CDCA2: variants seen among roughly 807,000 people sequenced by gnomAD.
CDCA2 encodes the protein cell division cycle-associated protein 2.
In CDCA2, 44 loss-of-function variants were observed where a neutral mutation model predicts 67.0. The observed-to-expected ratio is 0.66, with a 90% confidence interval of 0.52 to 0.84. The LOEUF (loss-of-function observed/expected upper bound fraction) is 0.84, where lower values mean the gene tolerates loss of function less well. CDCA2 is among the 40% of genes least tolerant of loss of function. The pLI, the probability that CDCA2 is intolerant of heterozygous loss-of-function variation, is 0.00. For missense variants in CDCA2, 1,253 were observed against 1,203.2 expected (o/e 1.04, Z -0.61); for synonymous variants, 447 against 418.7 (o/e 1.07, Z -0.82).
At chr8:25,461,899 T>G (rs1802704220) in intron 3 of CDCA2, among the ~76,000 whole-genome samples, 155 bp from the exon 4 acceptor site, 1 of 152,240 alleles carries the variant, frequency 6.6e-6, no homozygotes, top group African/African-American at 2.4e-5. Flanking sequence ...TTCCACTGAT[T>G]GTATATGAAT....
At chr8:25,464,438 C>T (rs1802820511) in intron 4 of CDCA2, among the ~76,000 whole-genome samples, 1 of 152,084 alleles carries the variant, frequency 6.6e-6, no homozygotes, top group Admixed American at 6.5e-5. Flanking sequence ...AGTAATTTTC[C>T]CTAGATCCTG....
Position 25,484,344 on chromosome 8 carries a change from T to G in CDCA2, c.1365+134T>G. On this transcript the variant is annotated intron_variant, in intron 10 of 14. Coordinates refer to ENST00000330560, the MANE Select transcript of CDCA2 (RefSeq NM_152562.4). ...TATGCCATGGTTTAAATTAATCTAT[T>G]TTGTATGTAGGTTTTTATGAGTTTT... 4.0e-6 allele frequency: 5 copies of G among 1,250,770 alleles called. No homozygotes were observed. The South Asian group carries it at 7.5e-5, about 19-fold the overall frequency. The allele number at this position is 1,250,770 out of a possible 1,614,324, so 77.5% of individuals were successfully genotyped here. A position where few individuals can be genotyped will look rare whatever the true frequency, so the allele number is the denominator to read the frequency against.
At chr8:25,488,965 G>T (rs1489838294) in intron 13 of CDCA2, among the ~76,000 whole-genome samples, 1 of 152,028 alleles carries the variant, frequency 6.6e-6, no homozygotes, top group Non-Finnish European at 1.5e-5. Context: ...TCTCATCTTT[G>T]AATCTACCCC....
chr8:25,500,148 CCATT>C (rs202038975), intron 13 of CDCA2, among the ~76,000 whole-genome samples: 1 of 151,958 alleles, frequency 6.6e-6, no homozygotes, highest in Non-Finnish European at 1.5e-5. Flanking sequence ...ACTTCTTTGA[CCATT>C]CATTCATTCA....
Position 25,480,005 on chromosome 8 carries a change from C to T in CDCA2, c.913C>T (p.Pro305Ser). The T allele has an allele frequency of 1.2e-6, 2 of 1,614,090 alleles. No homozygotes were observed. The highest frequency in any genetic ancestry group is 1.7e-6 in the Non-Finnish European group (2 of 1,180,018). The part of the protein sequence containing the change: ...FTAEVSSDAV[P>S]DVRSPATPAC... ...AGCAGAAGTGAGCTCAGACGCAGTC[C>T]CTGATGTCAGGTCACCAGCTACTCC... The change falls in exon 8 of 15, where the codon CCT (proline) becomes TCT (serine). Residue 305 changes from proline (P) to serine (S), a missense_variant. Pro to Ser is a moderately conservative substitution (Grantham distance 74, BLOSUM62 -1). Transcript: ENST00000330560.
rs1803809575 is a variant in CDCA2, at chr8:25,487,171, CAG to C, written c.1445-74_1445-73del. The C allele has an allele frequency of 3.4e-6, 3 of 872,064 alleles. No individual in the cohort carries two copies. The Admixed American group carries it at 5.6e-5, about 16-fold the overall frequency. The allele number at this position is 872,064 out of a possible 1,614,324, so 54.0% of individuals were successfully genotyped here. On this transcript the variant is annotated intron_variant, in intron 11 of 14. Transcript: ENST00000330560. Reference sequence around the variant, plus strand: ...GTATTAAAGGTGGATATCCTAAACACAGTGTTTCCAAAGGAAGATGTATGTTA... The same window carrying C: ...GTATTAAAGGTGGATATCCTAAACACTGTTTCCAAAGGAAGATGTATGTTA...
At chr8:25,477,069 A>T (rs1803380853) in intron 7 of CDCA2, among the ~76,000 whole-genome samples, 1 of 152,192 alleles carries the variant, frequency 6.6e-6, no homozygotes, top group African/African-American at 2.4e-5. Flanking sequence ...TTTTAAGAGA[A>T]GGCCACACTC....
At chr8:25,494,314 TA>T (rs944156352) in intron 13 of CDCA2, among the ~76,000 whole-genome samples, 105 of 147,146 alleles carry the variant, frequency 7.1e-4, no homozygotes, top group Middle Eastern at 3.5e-3. Flanking sequence ...ATATATTACT[TA>T]AAAAAAAAAA....
intron 6 of CDCA2, among the ~76,000 whole-genome samples, chr8:25,469,346 A>G (rs969377896): frequency 6.6e-6 from 1 of 152,200 alleles, no homozygotes; most frequent in African/African-American, 2.4e-5. Context: ...TTTCAGGTTG[A>G]TGTGAAATCC....
intron 6 of CDCA2, 143 bp downstream of exon 6, chr8:25,468,556 T>TGTGTGTGTGTGC (rs1488757943): frequency 1.4e-4 from 68 of 494,156 alleles, no homozygotes; most frequent in Admixed American, 7.0e-4. Flanking sequence ...TGTGTGTGTG[T>TGTGTGTGTGTGC]GCGTGTGTGT....
intron 7 of CDCA2, among the ~76,000 whole-genome samples, chr8:25,470,609 A>C (rs1044667348): frequency 1.3e-5 from 2 of 152,156 alleles, no homozygotes; most frequent in Non-Finnish European, 2.9e-5. Context: ...GATATTATAC[A>C]ATTTCACATA....
intron 13 of CDCA2, among the ~76,000 whole-genome samples, chr8:25,498,152 G>T (rs1379343106): frequency 6.6e-6 from 1 of 152,150 alleles, no homozygotes; most frequent in African/African-American, 2.4e-5. Context: ...TGAACTTTGA[G>T]GAGATACTAG....
At chr8:25,483,299 C>A in intron 8 of CDCA2, 100 bp from the exon 9 acceptor site, 1 of 608,434 alleles carries the variant, frequency 1.6e-6, no homozygotes, top group Non-Finnish European at 2.7e-6. Context: ...ACTGGAATAT[C>A]TATCTGCAGT....
intron 7 of CDCA2, among the ~76,000 whole-genome samples, chr8:25,477,379 T>A (rs1029062242): frequency 1.3e-5 from 2 of 152,146 alleles, no homozygotes; most frequent in Non-Finnish European, 2.9e-5. Context: ...ATGCCCCCCC[T>A]CGACCTTCAT....
chr8:25,494,044 C>T (rs908344748), intron 13 of CDCA2, among the ~76,000 whole-genome samples: 3 of 152,152 alleles, frequency 2.0e-5, no homozygotes, highest in African/African-American at 7.2e-5. Flanking sequence ...TTCCACAAAG[C>T]GAGTATTAGG....
In CDCA2 at chr8:25,469,100, T is replaced by A. The variant is rs141229019; in HGVS notation, c.735+687T>A. 3.3e-5 allele frequency among the ~76,000 whole-genome samples: 5 copies of A among 152,368 alleles called. No homozygotes were observed. In the East Asian group the frequency reaches 9.6e-4, roughly 29 times the overall value. On this transcript the variant is annotated intron_variant, in intron 6 of 14. Coordinates refer to ENST00000330560, the MANE Select transcript of CDCA2 (RefSeq NM_152562.4). ...CTCGTGACGGACTTTTCTTACTTCA[T>A]GCTTCTAGTTCTGGTTTGACACAGT... is the stretch of plus-strand genomic sequence containing the variant.
chr8:25,475,806 G>T (rs558546473), intron 7 of CDCA2, among the ~76,000 whole-genome samples: 1 of 152,126 alleles, frequency 6.6e-6, no homozygotes. Context: ...ACCAGAATTC[G>T]CTCTCTGGTG....
intron 14 of CDCA2, among the ~76,000 whole-genome samples, chr8:25,505,211 T>C (rs1284913679): frequency 6.6e-6 from 1 of 152,190 alleles, no homozygotes; most frequent in African/African-American, 2.4e-5. Flanking sequence ...GTTTGTTTGT[T>C]TGTTTTTTGA....
intron 7 of CDCA2, among the ~76,000 whole-genome samples, chr8:25,470,810 G>T (rs1371409553): frequency 8.0e-5 from 12 of 150,878 alleles, no homozygotes; most frequent in Admixed American, 7.9e-4. Context: ...TGCCCAGGCT[G>T]GAGTGCAGTG....
Sources: allele counts gnomAD v4.1 joint callset (sites outside exome capture counted in the v4.1 genomes callset), GRCh38; gene constraint gnomAD v4.1.1; transcripts MANE v1.5; gene names NCBI Gene and HGNC (gene_info 2026-07-23, HGNC 2026-07-21).